The following NR3C2 variants were observed in gnomAD, a reference collection of about 807,000 sequenced individuals.
The protein encoded by NR3C2 is mineralocorticoid receptor.
NR3C2 carries 15 observed loss-of-function variants against 86.4 expected under a neutral mutation model. That is an observed-to-expected ratio of 0.17 (90% CI 0.12 to 0.27). The LOEUF (loss-of-function observed/expected upper bound fraction) is 0.27. NR3C2 is among the 10% of genes least tolerant of loss of function. The pLI, the probability that NR3C2 is intolerant of heterozygous loss-of-function variation, is 1.00. For synonymous variants in NR3C2, 458 were observed against 450.5 expected (o/e 1.02, Z -0.21); for missense variants, 960 against 1,195.6 (o/e 0.80, Z 2.91).
intron 6 of NR3C2, among the ~76,000 whole-genome samples, chr4:148,149,018 C>G (rs1341596137): frequency 6.6e-6 from 1 of 152,188 alleles, no homozygotes; most frequent in African/African-American, 2.4e-5. Flanking sequence ...AGTGATGGAG[C>G]TACCACATCA....
chr4:148,190,173 GGCTATGAAC>G (rs1736129440), intron 4 of NR3C2, among the ~76,000 whole-genome samples: 1 of 152,050 alleles, frequency 6.6e-6, no homozygotes, highest in Non-Finnish European at 1.5e-5. Flanking sequence ...AGGCATTCAG[GGCTATGAAC>G]TTTCATCTCA....
chr4:148,205,290 T>A (rs1421187104), intron 3 of NR3C2, among the ~76,000 whole-genome samples: 1 of 152,210 alleles, frequency 6.6e-6, no homozygotes, highest in South Asian at 2.1e-4. Context: ...CATGCACAAA[T>A]ATTAAATTAG....
At chr4:148,195,104 CAT>C (rs1188313060) in intron 3 of NR3C2, among the ~76,000 whole-genome samples, 1 of 152,082 alleles carries the variant, frequency 6.6e-6, no homozygotes, top group Non-Finnish European at 1.5e-5. Flanking sequence ...TAAGTAGAGC[CAT>C]ATTTCTCCAT....
chr4:148,156,503 CAGACACTTCTCAAAAGA>C (rs1734393776), intron 4 of NR3C2, among the ~76,000 whole-genome samples: 1 of 152,190 alleles, frequency 6.6e-6, no homozygotes, highest in Non-Finnish European at 1.5e-5. Flanking sequence ...AGGATATGAA[CAGACACTTCTCAAAAGA>C]AGACATTTAT....
chr4:148,350,239 C>T (rs532960097), intron 2 of NR3C2, among the ~76,000 whole-genome samples: 5 of 152,244 alleles, frequency 3.3e-5, no homozygotes, highest in African/African-American at 4.8e-5. Context: ...CTGTTTTCTC[C>T]CAAGTTAGTG....
At chr4:148,213,597 T>G (rs1291256402) in intron 3 of NR3C2, among the ~76,000 whole-genome samples, 2 of 152,224 alleles carry the variant, frequency 1.3e-5, no homozygotes, top group African/African-American at 4.8e-5. Flanking sequence ...GTACTCAACC[T>G]TTAAGTCAAT....
At chr4:148,376,068 T>C (rs948720960) in intron 2 of NR3C2, among the ~76,000 whole-genome samples, 9 of 151,062 alleles carry the variant, frequency 6.0e-5, no homozygotes, top group Admixed American at 2.0e-4. Flanking sequence ...TGAAAGGACA[T>C]AGCTCTTTTA....
intron 4 of NR3C2, among the ~76,000 whole-genome samples, chr4:148,172,414 T>TTG (rs1735170775): frequency 6.6e-6 from 1 of 152,200 alleles, no homozygotes; most frequent in Non-Finnish European, 1.5e-5. Context: ...TTTAAGAAGT[T>TTG]GCCAAACTAT....
intron 3 of NR3C2, among the ~76,000 whole-genome samples, chr4:148,216,904 C>G (rs1737567989): frequency 6.6e-6 from 1 of 152,200 alleles, no homozygotes; most frequent in African/African-American, 2.4e-5. Context: ...GACCCACAAG[C>G]AGCTAAGTCT....
intron 2 of NR3C2, among the ~76,000 whole-genome samples, chr4:148,294,953 C>T (rs1424973949): frequency 6.6e-6 from 1 of 152,146 alleles, no homozygotes; most frequent in Non-Finnish European, 1.5e-5. Flanking sequence ...CGCCATTGCA[C>T]TCCCACCTGG....
At chr4:148,272,294 T>G (rs1161834098) in intron 2 of NR3C2, among the ~76,000 whole-genome samples, 1 of 152,210 alleles carries the variant, frequency 6.6e-6, no homozygotes, top group East Asian at 1.9e-4. Context: ...CTGTTTAAAA[T>G]AGCTTTTCTT....
At chr4:148,412,814 CAT>C (rs1462684486) in intron 2 of NR3C2, among the ~76,000 whole-genome samples, 1 of 80,664 alleles carries the variant, frequency 1.2e-5, no homozygotes, top group Non-Finnish European at 2.4e-5. Flanking sequence ...CACAGGTGCA[CAT>C]GTGCGCACAC....
intron 3 of NR3C2, among the ~76,000 whole-genome samples, chr4:148,196,602 G>T (rs772477185): frequency 2.0e-5 from 3 of 152,050 alleles, no homozygotes; most frequent in Non-Finnish European, 4.4e-5. Context: ...GAATTACTAA[G>T]TAAATTACAG....
chr4:148,166,905 G>T (rs957315730), intron 4 of NR3C2, among the ~76,000 whole-genome samples: 2 of 151,792 alleles, frequency 1.3e-5, no homozygotes, highest in Non-Finnish European at 2.9e-5. Flanking sequence ...AAGTTTTTTT[G>T]GGGGGAGACT....
chr4:148,082,517 CAG>C (rs1303613484), intron 8 of NR3C2, among the ~76,000 whole-genome samples: 3 of 152,124 alleles, frequency 2.0e-5, no homozygotes, highest in African/African-American at 7.2e-5. Flanking sequence ...TGTGCTGTAA[CAG>C]TGCATTCTGG....
chr4:148,271,613 T>TA (rs924457170), intron 2 of NR3C2, among the ~76,000 whole-genome samples: 4 of 152,084 alleles, frequency 2.6e-5, no homozygotes, highest in Admixed American at 2.6e-4. Flanking sequence ...AAAATTTTTT[T>TA]AAAAAAAGCA....
chr4:148,211,946 T>TC (rs1165049595), intron 3 of NR3C2, among the ~76,000 whole-genome samples: 3 of 152,314 alleles, frequency 2.0e-5, no homozygotes, highest in Non-Finnish European at 4.4e-5. Flanking sequence ...CATTCTTCTT[T>TC]CCCTTCTGGA....
chr4:148,444,537 C>T (rs939208612), upstream of NR3C2: 78 of 987,072 alleles, frequency 7.9e-5, no homozygotes, highest in Middle Eastern at 1.0e-3. Flanking sequence ...TTTTCTAGGA[C>T]ATGGTGGGGA....
At chr4:148,365,155 T>A (rs893519169) in intron 2 of NR3C2, among the ~76,000 whole-genome samples, 10 of 152,120 alleles carry the variant, frequency 6.6e-5, no homozygotes, top group Non-Finnish European at 7.4e-5. Flanking sequence ...ATAAAAAATA[T>A]GAGACACATA....
Sources: gnomAD v4.1 joint callset for allele counts (sites outside exome capture counted in the v4.1 genomes callset) on GRCh38, gnomAD v4.1.1 for gene constraint, MANE v1.5 for transcripts, NCBI Gene and HGNC (gene_info 2026-07-23, HGNC 2026-07-21) for gene names.